USP36: variants seen among roughly 807,000 people sequenced by gnomAD.
USP36 encodes the protein ubiquitin carboxyl-terminal hydrolase 36.
A neutral mutation model predicts 111.5 loss-of-function variants in USP36; 59 were observed. That is an observed-to-expected ratio of 0.53 (90% CI 0.43 to 0.66). The LOEUF (loss-of-function observed/expected upper bound fraction) is 0.66. Among genes scored for constraint, USP36 ranks in the 30% least tolerant of loss-of-function variants. The pLI is 0.00. For synonymous variants in USP36, 628 were observed against 581.0 expected (o/e 1.08, Z -1.16); for missense variants, 1,488 against 1,468.0 (o/e 1.01, Z -0.22).
Position 78,838,672 on chromosome 17 carries a change from CT to C in USP36, c.-96del, listed in dbSNP as rs2068946176. ...AGGGCTGAGTTTGGTTGGGCAGGTG[CT>C]ACGCGGAGCTCCTGAATGTAAGCGC... On this transcript the variant is annotated 5_prime_UTR_variant, in exon 2 of 21. The change creates a premature stop within an existing upstream ORF in the 5' untranslated region. Coordinates refer to ENST00000449938, the MANE Select transcript of USP36 (RefSeq NM_001385174.1). 1 of 152,222 alleles carries C rather than the reference CT, an allele frequency of 6.6e-6. No homozygotes were observed. Among genetic ancestry groups the C allele is most frequent in the Non-Finnish European group, 1.5e-5 (1 of 68,080 alleles). 9.4% of individuals were successfully genotyped at this position (152,222 alleles called of 1,614,324 possible). A position where few individuals can be genotyped will look rare whatever the true frequency, so the allele number is the denominator to read the frequency against.
intron 6 of USP36, among the ~76,000 whole-genome samples, chr17:78,825,022 T>C (rs898851999): frequency 3.3e-5 from 5 of 152,138 alleles, no homozygotes; most frequent in African/African-American, 1.2e-4. Context: ...CTAGAGGAGA[T>C]GCAAGGAGAC....
chr17:78,820,125 A>C, intron 8 of USP36, 113 bp from the exon 9 acceptor site: 1 of 1,107,276 alleles, frequency 9.0e-7, no homozygotes, highest in Non-Finnish European at 1.3e-6. Flanking sequence ...CAGAACTTAG[A>C]CTCGCATAAA....
chr17:78,830,012 T>C (rs2067939247), intron 4 of USP36, among the ~76,000 whole-genome samples: 1 of 152,234 alleles, frequency 6.6e-6, no homozygotes, highest in Admixed American at 6.5e-5. Flanking sequence ...GTGCTGGGAT[T>C]ACAGGCGTGA....
intron 7 of USP36, chr17:78,821,284 C>T (rs1405099483): frequency 2.2e-6 from 1 of 463,772 alleles, no homozygotes. Flanking sequence ...AGGGCCCTCC[C>T]TGCCTGGACT....
In USP36 at chr17:78,795,721, G is replaced by C. The variant is rs2093619049; in HGVS notation, c.*2179C>G. On this transcript the variant is annotated 3_prime_UTR_variant, in exon 21 of 21. Coordinates refer to ENST00000449938, the MANE Select transcript of USP36 (RefSeq NM_001385174.1). The surrounding 1 kb of genome is among the most constrained non-coding windows in gnomAD (Gnocchi z 4.5). The stretch of plus-strand genomic sequence containing the variant: ...GTGGGGCTCCCCAGGCCCCCGGAAA[G>C]GAGGTGCAGAGGATGGGACACAGAC... The C allele has an allele frequency of 6.6e-6, 1 of 152,248 alleles. No homozygotes were observed. Among genetic ancestry groups the C allele is most frequent in the African/African-American group, 2.4e-5 (1 of 41,452 alleles). 9.4% of individuals were successfully genotyped at this position (152,248 alleles called of 1,614,324 possible). A position where few individuals can be genotyped will look rare whatever the true frequency, so the allele number is the denominator to read the frequency against.
In USP36 at chr17:78,806,959, C is replaced by CTT. The variant is rs745699572; in HGVS notation, c.2083_2084dup (p.Ala696ArgfsTer28). 1.2e-6 allele frequency: 2 copies of CTT among 1,613,848 alleles called. No individual in the cohort carries two copies. On this transcript the variant is annotated frameshift_variant and splice_region_variant, in exon 14 of 21. Transcript: ENST00000449938. LOFTEE classifies it high-confidence loss of function. ...AGCGGCGAGACCCCCACACACCCAC[C>CTT]TTCTTGGCAGAAAGGGCCAGTTTTT...
chr17:78,812,697 GAAAAAAAAAA>G, intron 13 of USP36, among the ~76,000 whole-genome samples, 153 bp downstream of exon 13: 1 of 52,654 alleles, frequency 1.9e-5, no homozygotes, highest in East Asian at 5.6e-4. Context: ...ACTCTGTCTC[GAAAAAAAAAA>G]AAAAAAAAAA....
At chr17:78,792,678 T>C (rs1303501292), downstream of USP36, among the ~76,000 whole-genome samples, 1 of 152,148 alleles carries the variant, frequency 6.6e-6, no homozygotes, top group Non-Finnish European at 1.5e-5. Flanking sequence ...ATGGCAACTC[T>C]CAACTCTGCT....
intron 18 of USP36, among the ~76,000 whole-genome samples, chr17:78,799,383 C>T (rs2093685599): frequency 6.6e-6 from 1 of 152,306 alleles, no homozygotes; most frequent in South Asian, 2.1e-4. Flanking sequence ...CTTCGTCACT[C>T]TGCCCCTTCC....
At chr17:78,813,940 A>T in intron 11 of USP36, 67 bp from the exon 12 acceptor site, 1 of 1,395,046 alleles carries the variant, frequency 7.2e-7, no homozygotes, top group South Asian at 1.2e-5. Context: ...CTCACTTTTT[A>T]AAAAGGGAAT....
intron 3 of USP36, among the ~76,000 whole-genome samples, chr17:78,789,558 G>A (rs1169186715): frequency 6.6e-6 from 1 of 152,250 alleles, no homozygotes; most frequent in Non-Finnish European, 1.5e-5. Context: ...AGGCTGCAAA[G>A]CGAACTGCTC....
chr17:78,806,865 C>T (rs902891378), intron 14 of USP36, 94 bp downstream of exon 14: 4 of 1,507,030 alleles, frequency 2.7e-6, no homozygotes, highest in Non-Finnish European at 3.6e-6. Context: ...AGGCCAAAGC[C>T]CCCGGACAAT....
intron 17 of USP36, 41 bp downstream of exon 17, chr17:78,802,283 T>G: frequency 1.7e-6 from 2 of 1,206,882 alleles, no homozygotes; most frequent in Non-Finnish European, 2.2e-6. Flanking sequence ...CCTCGCCCGG[T>G]GCACACCCAT....
intron 9 of USP36, chr17:78,819,116 C>T (rs373037489): frequency 2.6e-5 from 5 of 191,020 alleles, no homozygotes; most frequent in Admixed American, 1.1e-4. Flanking sequence ...AGTGATAAAA[C>T]GGGCAGGCAG....
intron 13 of USP36, among the ~76,000 whole-genome samples, chr17:78,812,154 T>C (rs553265646): frequency 2.6e-5 from 4 of 151,918 alleles, no homozygotes; most frequent in Non-Finnish European, 5.9e-5. Context: ...GCCACTGTAC[T>C]CCAGTCTGGG....
Position 78,803,422 on chromosome 17 carries a change from C to T in USP36, c.2773G>A (p.Glu925Lys). The T allele has an allele frequency of 6.2e-7, 1 of 1,614,094 alleles. No homozygotes were observed. The highest frequency in any genetic ancestry group is 8.5e-7 in the Non-Finnish European group (1 of 1,180,014). The change falls in exon 16 of 21, where the codon GAA becomes AAA. Residue 925 changes from glutamate (E) to lysine (K), a missense_variant. Transcript: ENST00000449938. This position sits in a 1 kb window ranked among gnomAD's most constrained non-coding sequence, Gnocchi z 4.6. ...GGGTCCTGGTGCAGGCCGCCTTCTTCACCAAGACCTTCTGCTCCTTTCCTC... is the reference window on the plus strand; with the variant it reads ...GGGTCCTGGTGCAGGCCGCCTTCTTTACCAAGACCTTCTGCTCCTTTCCTC... ...RRRKGAEGLGEEGGLHQDPLR... is the reference protein window; with the variant it reads ...RRRKGAEGLGKEGGLHQDPLR...
intron 10 of USP36, among the ~76,000 whole-genome samples, chr17:78,817,032 A>C (rs2094205281): frequency 6.6e-6 from 1 of 152,198 alleles, no homozygotes; most frequent in African/African-American, 2.4e-5. Flanking sequence ...GACAGACCAC[A>C]TATACAACAG....
rs549883628 is a variant in USP36, at chr17:78,810,561, T to G, written c.1407+2299A>C. Among the ~76,000 whole-genome samples, 5 of 152,214 alleles carry G rather than the reference T, an allele frequency of 3.3e-5. No homozygotes were observed. The East Asian group carries it at 9.7e-4, about 29-fold the overall frequency. On this transcript the variant is annotated intron_variant, in intron 13 of 20. Transcript: ENST00000449938. ...TCCCAAAGTGTTGGAATTACAGACA[T>G]GAGTCACAGTCCCAGGCCCAGGCTG...
intron 17 of USP36, among the ~76,000 whole-genome samples, chr17:78,801,004 T>C (rs1428548451): frequency 8.0e-5 from 10 of 124,852 alleles, no homozygotes; most frequent in African/African-American, 3.1e-4. Flanking sequence ...TGAGACGGAG[T>C]CTCACTCTGT....
Sources: gnomAD v4.1 joint callset for allele counts (sites outside exome capture counted in the v4.1 genomes callset) on GRCh38, gnomAD v4.1.1 for gene constraint, Gnocchi (gnomAD v3.1) non-coding constraint, MANE v1.5 for transcripts, NCBI Gene and HGNC (gene_info 2026-07-23, HGNC 2026-07-21) for gene names.